Variants in ELP2 observed in about 807,000 individuals in gnomAD.
The protein encoded by ELP2 is elongator acetyltransferase complex subunit 2.
A neutral mutation model predicts 119.2 loss-of-function variants in ELP2; 90 were observed. That is an observed-to-expected ratio of 0.75 (90% CI 0.64 to 0.90). ELP2 has a LOEUF of 0.90. ELP2 is among the 40% of genes least tolerant of loss of function. The pLI, the probability that ELP2 is intolerant of heterozygous loss-of-function variation, is 0.00. For missense variants in ELP2, 921 were observed against 967.8 expected, an observed-to-expected ratio of 0.95 and a Z score of 0.64; for synonymous variants, 339 against 331.0, an observed-to-expected ratio of 1.02 and a Z score of -0.26.
chr18:36,174,315 G>T (rs2091168601), intron 21 of ELP2, among the ~76,000 whole-genome samples, 170 bp from the exon 22 acceptor site: 2 of 151,954 alleles, frequency 1.3e-5, no homozygotes, highest in African/African-American at 2.4e-5. Context: ...ATTTAGTCTT[G>T]CAGTTTTAAG....
At chr18:36,131,392 C>G (rs1397324150) in intron 1 of ELP2, among the ~76,000 whole-genome samples, 1 of 152,224 alleles carries the variant, frequency 6.6e-6, no homozygotes, top group Non-Finnish European at 1.5e-5. Flanking sequence ...ACAGCAGGCT[C>G]TCCATCATCT....
chr18:36,151,390 C>T (rs1457989584), intron 11 of ELP2, among the ~76,000 whole-genome samples: 4 of 152,116 alleles, frequency 2.6e-5, no homozygotes, highest in African/African-American at 9.7e-5. Flanking sequence ...GCCCTGCCTT[C>T]CAGCTTTTAC....
rs143199151 is a variant in ELP2 at position 36,157,271 on chromosome 18, A to G, written c.1464+617A>G. 3.3e-4 allele frequency among the ~76,000 whole-genome samples: 51 copies of G among 152,342 alleles called. No homozygotes were observed. In the East Asian group the frequency reaches 7.9e-3, roughly 24 times the overall value. ...AATTTTGAAAGAAGGAAAATTAAGT[A>G]GGAAGATAGGTTACACAGAAGTGCA... On this transcript the variant is annotated intron_variant, in intron 13 of 21. Transcript: ENST00000358232.
At position 36,170,141 on chromosome 18, in the gene ELP2, G is replaced by A. The variant is rs748168364; in HGVS notation, c.2155G>A (p.Val719Met). The change falls in exon 20 of 22, where the codon GTG (valine) becomes ATG (methionine). Residue 719 changes from valine (V) to methionine (M), a missense_variant. Val to Met is a conservative substitution (Grantham distance 21, BLOSUM62 1). Coordinates refer to ENST00000358232, the MANE Select transcript of ELP2 (RefSeq NM_018255.4). ...TGGCCCCTGCTCCTCAGTCCTGGACGTGGGTGGGGCTGTGACAGCTGTCAG... is the reference window on the plus strand; with the variant it reads ...TGGCCCCTGCTCCTCAGTCCTGGACATGGGTGGGGCTGTGACAGCTGTCAG... ...NIGPCSSVLDVGGAVTAVSVC... is the reference protein window; with the variant it reads ...NIGPCSSVLDMGGAVTAVSVC... 2.6e-5 allele frequency: 42 copies of A among 1,613,970 alleles called. No individual in the cohort carries two copies. Among genetic ancestry groups the A allele is most frequent in the Non-Finnish European group, 3.1e-5 (37 of 1,180,004 alleles).
At position 36,174,730 on chromosome 18, in the gene ELP2, G is replaced by T. The variant is rs2144848224; in HGVS notation, c.*89G>T. The T allele has an allele frequency of 9.5e-6, 12 of 1,259,818 alleles. No homozygotes were observed. The highest frequency in any genetic ancestry group is 1.4e-5 in the South Asian group (1 of 73,788). 78.0% of individuals were successfully genotyped at this position (1,259,818 alleles called of 1,614,324 possible). The stretch of plus-strand genomic sequence containing the variant: ...ATCTTTACCTTCATAACTGAATTGA[G>T]TTTCTGGGTTTTTTTTTTTTTTGAG... On this transcript the variant is annotated 3_prime_UTR_variant, in exon 22 of 22. Coordinates refer to ENST00000358232, the MANE Select transcript of ELP2 (RefSeq NM_018255.4).
At chr18:36,138,205 C>A in intron 3 of ELP2, 65 bp from the exon 4 acceptor site, 2 of 1,550,840 alleles carry the variant, frequency 1.3e-6, no homozygotes, top group Non-Finnish European at 1.8e-6. Flanking sequence ...GCACATTTAT[C>A]CAATTAAATA....
chr18:36,129,931 G>C lies in ELP2; in HGVS notation c.-3G>C, dbSNP rs1446250416. 1.2e-6 allele frequency: 2 copies of C among 1,614,218 alleles called. No homozygotes were observed. The highest frequency in any genetic ancestry group is 1.7e-6 in the Non-Finnish European group (2 of 1,180,026). On this transcript the variant is annotated 5_prime_UTR_variant, in exon 1 of 22. Transcript: ENST00000358232. ...TTGTTTGTGCGGCTGACCAGTTGGC[G>C]ACATGGTGGCACCCGTGCTGGAGAC...
chr18:36,139,403 C>G (rs753380920), intron 5 of ELP2: 1 of 1,534,550 alleles, frequency 6.5e-7, no homozygotes, highest in South Asian at 1.2e-5. Context: ...GTGAGTCAGC[C>G]TCTTTGCCTC....
rs1054644849 is a variant in ELP2, at chr18:36,180,427, G to A, written c.*5786G>A. The A allele has an allele frequency of 1.3e-5, 2 of 152,176 alleles. No individual in the cohort carries two copies. The highest frequency in any genetic ancestry group is 2.9e-5 in the Non-Finnish European group (2 of 68,040). 9.4% of individuals were successfully genotyped at this position (152,176 alleles called of 1,614,324 possible). On this transcript the variant is annotated 3_prime_UTR_variant, in exon 22 of 22. Transcript: ENST00000358232. ...GGAGAACAACAGTAACCAGTGTGTA[G>A]GATTGTTCTGAGAATTAAATGAGCC...
rs2091206597 is a variant in ELP2 at position 36,175,613 on chromosome 18, T to C, written c.*972T>C. The C allele has an allele frequency of 6.6e-6, 1 of 152,214 alleles. No homozygotes were observed. The highest frequency in any genetic ancestry group is 2.4e-5 in the African/African-American group (1 of 41,456). 9.4% of individuals were successfully genotyped at this position (152,214 alleles called of 1,614,324 possible). ...CTGAAGTCACGAGATGAGGGATATA[T>C]GTCCCCCAGGGAGGATGCAGAAAGA... On this transcript the variant is annotated 3_prime_UTR_variant, in exon 22 of 22. Coordinates refer to ENST00000358232, the MANE Select transcript of ELP2 (RefSeq NM_018255.4).
intron 17 of ELP2, among the ~76,000 whole-genome samples, chr18:36,161,787 C>T (rs773410938): frequency 1.2e-4 from 19 of 152,178 alleles, no homozygotes; most frequent in Non-Finnish European, 2.5e-4. Flanking sequence ...TTTTGGACAT[C>T]ATAAGAAATA....
chr18:36,155,483 G>T (rs2090545225), intron 12 of ELP2, among the ~76,000 whole-genome samples: 1 of 152,160 alleles, frequency 6.6e-6, no homozygotes, highest in South Asian at 2.1e-4. Flanking sequence ...ACAAGTGCTG[G>T]TAAGGATGCA....
Position 36,164,477 on chromosome 18 carries a change from A to C in ELP2, c.1764A>C (p.Ala588=). Residue 588 remains alanine, a splice_region_variant and synonymous_variant, in exon 18 of 22, where the codon GCA becomes GCC. Transcript: ENST00000358232. ...ATTGTTTCATCTCTGTCCTATAGGC[A>C]GCTAAGAAAGAGCATGCAGCTATCA... ...SKTLLASACK[A]AKKEHAAIIL... 1 of 1,613,792 alleles carries C rather than the reference A, an allele frequency of 6.2e-7. No homozygotes were observed. Among genetic ancestry groups the C allele is most frequent in the East Asian group, 2.2e-5 (1 of 44,862 alleles).
At chr18:36,133,124 A>G (rs2089691839) in intron 1 of ELP2, 114 bp from the exon 2 acceptor site, 1 of 751,122 alleles carries the variant, frequency 1.3e-6, no homozygotes, top group Non-Finnish European at 2.3e-6. Context: ...AATCTGTTTG[A>G]TGTAAACCTG....
chr18:36,152,344 T>C (rs1034494641), intron 11 of ELP2, among the ~76,000 whole-genome samples: 1 of 152,242 alleles, frequency 6.6e-6, no homozygotes, highest in East Asian at 1.9e-4. Flanking sequence ...CTAATGTTTT[T>C]ATTAGCATCT....
In ELP2 at chr18:36,145,093, C is replaced by T. The variant is rs985639820; in HGVS notation, c.892+59C>T. 1.4e-5 allele frequency: 18 copies of T among 1,317,272 alleles called. No individual in the cohort carries two copies. The African/African-American group carries it at 1.7e-4, about 13-fold the overall frequency. 81.6% of individuals were successfully genotyped at this position (1,317,272 alleles called of 1,614,324 possible). The stretch of plus-strand genomic sequence containing the variant: ...CAGTTAAATCTTATGGCACAGTAAG[C>T]TGACCAAATCAAGTGGAGAATTTTT... On this transcript the variant is annotated intron_variant, in intron 9 of 21. Transcript: ENST00000358232.
rs368853783 is a variant in ELP2, at chr18:36,154,964, C to G, written c.1240C>G (p.Leu414Val). 1 of 1,613,956 alleles carries G rather than the reference C, an allele frequency of 6.2e-7. No individual in the cohort carries two copies. Among genetic ancestry groups the G allele is most frequent in the Non-Finnish European group, 8.5e-7 (1 of 1,179,836 alleles). Residue 414 changes from leucine (L) to valine (V), a missense_variant, in exon 12 of 22, where the codon CTT (leucine) becomes GTT (valine). Coordinates refer to ENST00000358232, the MANE Select transcript of ELP2 (RefSeq NM_018255.4). ...ITVGTDQTTR[L>V]FAPWKRKDQS... ...TGTTGGTACTGATCAGACAACTAGA[C>G]TTTTTGCTCCATGGAAGAGAAAAGA... is the stretch of plus-strand genomic sequence containing the variant.
chr18:36,133,395 T>G, intron 2 of ELP2, 79 bp downstream of exon 2: 1 of 997,068 alleles, frequency 1.0e-6, no homozygotes, highest in Non-Finnish European at 1.6e-6. Flanking sequence ...TCTCATCACT[T>G]CTCTTAATTT....
At chr18:36,155,351 A>C (rs879463204) in intron 12 of ELP2, among the ~76,000 whole-genome samples, 10 of 151,164 alleles carry the variant, frequency 6.6e-5, no homozygotes, top group Admixed American at 1.3e-4. Flanking sequence ...TGTTTAAAAG[A>C]AAACATCCAT....
Sources: allele counts gnomAD v4.1 joint callset (sites outside exome capture counted in the v4.1 genomes callset), GRCh38; gene constraint gnomAD v4.1.1; transcripts MANE v1.5; gene names NCBI Gene and HGNC (gene_info 2026-07-23, HGNC 2026-07-21).